GAPDHS: variants seen among roughly 807,000 people sequenced by gnomAD.
GAPDHS encodes glyceraldehyde-3-phosphate dehydrogenase, testis-specific.
GAPDHS carries 42 observed loss-of-function variants against 48.7 expected under a neutral mutation model. That is an observed-to-expected ratio of 0.86 (90% CI 0.67 to 1.12). GAPDHS has a LOEUF of 1.12. Among genes scored for constraint, GAPDHS ranks in the 50% most tolerant of loss-of-function variants. GAPDHS has a pLI of 0.00. For synonymous variants in GAPDHS, 166 were observed against 219.1 expected (o/e 0.76, Z 2.14); for missense variants, 512 against 557.7 (o/e 0.92, Z 0.82).
intron 9 of GAPDHS, 119 bp from the exon 10 acceptor site, chr19:35,544,790 G>A (rs2071532982): frequency 1.4e-6 from 1 of 724,202 alleles, no homozygotes; most frequent in African/African-American, 1.7e-5. Flanking sequence ...ACACAGTAGG[G>A]CTACATCAAA....
intron 2 of GAPDHS, 78 bp downstream of exon 2, chr19:35,537,068 C>G (rs1302422482): frequency 8.4e-7 from 1 of 1,192,106 alleles, no homozygotes; most frequent in African/African-American, 1.5e-5. Context: ...GGGGGCACCT[C>G]CACATTTCCC....
rs1024887427 is a variant in GAPDHS, at chr19:35,538,772, T to C, written c.449+89T>C. 4 of 834,774 alleles carry C rather than the reference T, an allele frequency of 4.8e-6. No individual in the cohort carries two copies. In the African/African-American group the frequency reaches 5.0e-5, roughly 10 times the overall value. 51.7% of individuals were successfully genotyped at this position (834,774 alleles called of 1,614,324 possible). A position where few individuals can be genotyped will look rare whatever the true frequency, so the allele number is the denominator to read the frequency against. The stretch of plus-strand genomic sequence containing the variant: ...TAAAATGGGATTCCAGCCTCTCACA[T>C]GGGGTGCTGAAACCACCCCCAAAAT... On this transcript the variant is annotated intron_variant, in intron 4 of 10. Transcript: ENST00000222286.
rs1043574168 is a variant in GAPDHS, at chr19:35,543,564, C to T, written c.893+73C>T. 3.0e-5 allele frequency: 47 copies of T among 1,574,168 alleles called. No individual in the cohort carries two copies. In the African/African-American group the frequency reaches 4.6e-4, roughly 15 times the overall value. ...GACTGGACTGGCCCGGCCCTCAGTC[C>T]TTAAGAGGAAAGCAGGGGCCTGGCC... On this transcript the variant is annotated intron_variant, in intron 8 of 10. Coordinates refer to ENST00000222286, the MANE Select transcript of GAPDHS (RefSeq NM_014364.5).
rs1479212987 is a variant in GAPDHS, at chr19:35,543,248, T to C, written c.742-92T>C. 3 of 1,471,800 alleles carry C rather than the reference T, an allele frequency of 2.0e-6. No individual in the cohort carries two copies. The Admixed American group carries it at 5.6e-5, about 28-fold the overall frequency. The allele number at this position is 1,471,800 out of a possible 1,614,324, so 91.2% of individuals were successfully genotyped here. A position where few individuals can be genotyped will look rare whatever the true frequency, so the allele number is the denominator to read the frequency against. On this transcript the variant is annotated intron_variant, in intron 7 of 10. Coordinates refer to ENST00000222286, the MANE Select transcript of GAPDHS (RefSeq NM_014364.5). ...GTCTGTGGTGGTGGCCCCACCAGCCTCCACACCTAGGCCACCAACTTAGTC... is the reference window on the plus strand; with the variant it reads ...GTCTGTGGTGGTGGCCCCACCAGCCCCCACACCTAGGCCACCAACTTAGTC...
At chr19:35,538,975 G>A (rs1000916625) in intron 4 of GAPDHS, among the ~76,000 whole-genome samples, 6 of 152,164 alleles carry the variant, frequency 3.9e-5, no homozygotes, top group African/African-American at 1.2e-4. Flanking sequence ...GTGCAGTGGT[G>A]TAATCATAGC....
At position 35,542,574 on chromosome 19, in the gene GAPDHS, A is replaced by C; in HGVS notation, c.625A>C (p.Asn209His). ...AATGTTCGTCATGGGTGTCAATGAA[A>C]ATGACTATAACCCTGGCTCCATGAA... ...APMFVMGVNE[N>H]DYNPGSMNIV... The change falls in exon 6 of 11, where the codon AAT becomes CAT. Residue 209 changes from asparagine to histidine, a missense_variant. Asn to His is a moderately conservative substitution (Grantham distance 68, BLOSUM62 1). Transcript: ENST00000222286. 6.2e-7 allele frequency: 1 copy of C among 1,613,160 alleles called. No individual in the cohort carries two copies. The highest frequency in any genetic ancestry group is 8.5e-7 in the Non-Finnish European group (1 of 1,179,190).
intron 2 of GAPDHS, 146 bp from the exon 3 acceptor site, chr19:35,538,161 G>A: frequency 1.6e-6 from 1 of 619,106 alleles, no homozygotes. Flanking sequence ...GGGCTGGTGA[G>A]GTCATCTTGG....
chr19:35,536,469 G>A (rs1199984327), intron 1 of GAPDHS, among the ~76,000 whole-genome samples: 2 of 151,910 alleles, frequency 1.3e-5, no homozygotes, highest in East Asian at 1.9e-4. Flanking sequence ...CCAGCTACTC[G>A]GGAGGCTGAG....
At chr19:35,542,678 C>T in intron 6 of GAPDHS, 70 bp downstream of exon 6, 1 of 1,057,700 alleles carries the variant, frequency 9.5e-7, no homozygotes, top group East Asian at 2.4e-5. Context: ...CCCTCAGCCC[C>T]ACTGGATTCC....
chr19:35,538,079 AT>A (rs1259950059), intron 2 of GAPDHS, among the ~76,000 whole-genome samples: 17 of 21,914 alleles, frequency 7.8e-4, no homozygotes, highest in Non-Finnish European at 1.4e-3. Flanking sequence ...CCATCTCAAA[AT>A]ATATATATAT....
At chr19:35,538,477 A>G in intron 3 of GAPDHS, 74 bp downstream of exon 3, 1 of 1,285,790 alleles carries the variant, frequency 7.8e-7, no homozygotes, top group Non-Finnish European at 1.1e-6. Flanking sequence ...AGCTGTATGG[A>G]AGGCTCTCAG....
intron 7 of GAPDHS, 103 bp downstream of exon 7, chr19:35,543,129 C>T (rs556491801): frequency 1.3e-5 from 14 of 1,060,696 alleles, no homozygotes; most frequent in African/African-American, 9.3e-5. Context: ...AGACTGGTTT[C>T]GGGAGGAGAG....
chr19:35,539,979 C>T (rs2071491136), intron 4 of GAPDHS, among the ~76,000 whole-genome samples: 1 of 152,220 alleles, frequency 6.6e-6, no homozygotes, highest in Admixed American at 6.5e-5. Flanking sequence ...CCCTCCAGCC[C>T]CCTCTCCATC....
At chr19:35,543,978 C>T in intron 9 of GAPDHS, 151 bp downstream of exon 9, 1 of 1,380,366 alleles carries the variant, frequency 7.2e-7, no homozygotes, top group Non-Finnish European at 9.5e-7. Flanking sequence ...ACTTGCTGTT[C>T]CTTTAGTCTG....
chr19:35,543,531 G>A (rs200103785), intron 8 of GAPDHS, 40 bp downstream of exon 8: 36 of 1,583,156 alleles, frequency 2.3e-5, no homozygotes, highest in African/African-American at 2.2e-4. Flanking sequence ...GGGGGCATAC[G>A]CCAGGAGGAC....
At chr19:35,540,583 C>CCATT (rs1384389728) in intron 4 of GAPDHS, among the ~76,000 whole-genome samples, 3 of 152,052 alleles carry the variant, frequency 2.0e-5, no homozygotes, top group East Asian at 1.9e-4. Flanking sequence ...GCAGGGCAGC[C>CCATT]CATTCATTCA....
rs1423856139 is a variant in GAPDHS at position 35,543,183 on chromosome 19, G to A, written c.741+157G>A. ...CACTTAAAACACTGTGCAACCCTCAGGCAAGGCTGGACCCTGGCCTGCACA... is the reference window on the plus strand; with the variant it reads ...CACTTAAAACACTGTGCAACCCTCAAGCAAGGCTGGACCCTGGCCTGCACA... On this transcript the variant is annotated intron_variant, in intron 7 of 10. Transcript: ENST00000222286. 2.9e-6 allele frequency: 3 copies of A among 1,044,046 alleles called. No homozygotes were observed. The African/African-American group carries it at 4.7e-5, about 16-fold the overall frequency. The allele number at this position is 1,044,046 out of a possible 1,614,324, so 64.7% of individuals were successfully genotyped here. A position where few individuals can be genotyped will look rare whatever the true frequency, so the allele number is the denominator to read the frequency against.
intron 7 of GAPDHS, 69 bp from the exon 8 acceptor site, chr19:35,543,271 G>C: frequency 6.3e-7 from 1 of 1,576,810 alleles, no homozygotes. Flanking sequence ...CACCAACTTA[G>C]TCCTGGAAAA....
At chr19:35,542,077 G>A in intron 4 of GAPDHS, 1 of 543,804 alleles carries the variant, frequency 1.8e-6, no homozygotes. Context: ...GTCACCACCT[G>A]TACCCAGGCA....
Sources: allele counts gnomAD v4.1 joint callset (sites outside exome capture counted in the v4.1 genomes callset), GRCh38; gene constraint gnomAD v4.1.1; transcripts MANE v1.5; gene names NCBI Gene and HGNC (gene_info 2026-07-23, HGNC 2026-07-21).